KALRN: variants seen among roughly 807,000 people sequenced by gnomAD.
KALRN encodes the protein kalirin RhoGEF kinase.
A neutral mutation model predicts 353.7 loss-of-function variants in KALRN; 70 were observed. The observed-to-expected ratio is 0.20, with a 90% CI of 0.16 to 0.24. The LOEUF (loss-of-function observed/expected upper bound fraction) is 0.24, where lower values mean the gene tolerates loss of function less well. Among genes scored for constraint, KALRN ranks in the 10% least tolerant of loss-of-function variants. KALRN has a pLI of 1.00. For synonymous variants in KALRN, 1,391 were observed against 1,434.8 expected (o/e 0.97, Z 0.69); for missense variants, 2,791 against 3,756.7 (o/e 0.74, Z 6.72).
chr3:124,376,018 C>G (rs139855459), intron 10 of KALRN, among the ~76,000 whole-genome samples: 333 of 152,096 alleles, frequency 2.2e-3, no homozygotes, highest in African/African-American at 7.8e-3. Flanking sequence ...TAAAAATATG[C>G]CTTTTATAGG....
intron 1 of KALRN, among the ~76,000 whole-genome samples, chr3:124,145,699 G>A (rs1687952439): frequency 6.6e-6 from 1 of 152,232 alleles, no homozygotes; most frequent in Non-Finnish European, 1.5e-5. Flanking sequence ...GTAAATTAAT[G>A]TAACCACTCC....
At chr3:124,449,898 T>G (rs2058613039) in intron 21 of KALRN, among the ~76,000 whole-genome samples, 1 of 152,252 alleles carries the variant, frequency 6.6e-6, no homozygotes, top group Non-Finnish European at 1.5e-5. Context: ...TATTGCTAAA[T>G]AGCATGCCAT....
chr3:124,059,151 C>G (rs1164822910), intron 1 of KALRN, among the ~76,000 whole-genome samples: 2 of 152,030 alleles, frequency 1.3e-5, no homozygotes, highest in Non-Finnish European at 2.9e-5. Context: ...GGCACCCTTA[C>G]GTGAAACAGA....
chr3:124,385,044 G>A lies in KALRN; in HGVS notation c.1962+8G>A, dbSNP rs763845753. ...CACACACACACCAAAGAGGTAAGGG[G>A]AGCTAGTGGAGAGAGGGCATTCTGT... is the stretch of plus-strand genomic sequence containing the variant. On this transcript the variant is annotated splice_region_variant and intron_variant, in intron 11 of 59. Transcript: ENST00000682506. The A allele has an allele frequency of 6.3e-7, 1 of 1,576,204 alleles. No homozygotes were observed. Among genetic ancestry groups the A allele is most frequent in the Non-Finnish European group, 8.6e-7 (1 of 1,156,524 alleles).
chr3:124,146,990 T>C (rs1265100660), intron 1 of KALRN, among the ~76,000 whole-genome samples: 1 of 152,086 alleles, frequency 6.6e-6, no homozygotes, highest in Non-Finnish European at 1.5e-5. Context: ...TATTGAGTTA[T>C]TTGTGGATGC....
intron 14 of KALRN, among the ~76,000 whole-genome samples, chr3:124,415,270 T>C (rs1042752318): frequency 1.3e-5 from 2 of 152,216 alleles, no homozygotes; most frequent in Admixed American, 1.3e-4. Context: ...TACCTCTAAA[T>C]GGAACTTGGG....
At chr3:124,143,258 T>G (rs533901884) in intron 1 of KALRN, among the ~76,000 whole-genome samples, 1 of 152,340 alleles carries the variant, frequency 6.6e-6, no homozygotes, top group African/African-American at 2.4e-5. Context: ...AGGCACATAT[T>G]TCTTCATATC....
chr3:124,418,449 T>C (rs906339004), intron 14 of KALRN, among the ~76,000 whole-genome samples: 3 of 152,142 alleles, frequency 2.0e-5, no homozygotes, highest in African/African-American at 2.4e-5. Flanking sequence ...ACTTTGTGAT[T>C]TCTGAACTGA....
chr3:124,180,330 A>G (rs1366193489), intron 1 of KALRN, among the ~76,000 whole-genome samples: 1 of 151,644 alleles, frequency 6.6e-6, no homozygotes. Context: ...AGAGCTTTCC[A>G]TTAGGAAATA....
intron 57 of KALRN, among the ~76,000 whole-genome samples, chr3:124,704,110 A>G (rs1171850924): frequency 6.6e-6 from 1 of 152,240 alleles, no homozygotes; most frequent in African/African-American, 2.4e-5. Context: ...TTTTACTAGC[A>G]TATATTGTTT....
At chr3:124,349,015 A>G (rs911398954) in intron 10 of KALRN, among the ~76,000 whole-genome samples, 1 of 152,206 alleles carries the variant, frequency 6.6e-6, no homozygotes, top group Non-Finnish European at 1.5e-5. Context: ...CACCGTGCCC[A>G]GCTGTCAAAC....
intron 51 of KALRN, among the ~76,000 whole-genome samples, chr3:124,681,575 G>A (rs2087772622): frequency 6.6e-6 from 1 of 151,132 alleles, no homozygotes; most frequent in Non-Finnish European, 1.5e-5. Context: ...CCCAGTATGT[G>A]TGGATGTAGC....
At chr3:124,345,694 G>A (rs186626241) in intron 9 of KALRN, among the ~76,000 whole-genome samples, 7 of 151,886 alleles carry the variant, frequency 4.6e-5, no homozygotes, top group East Asian at 1.9e-4. Flanking sequence ...CAATTACTCC[G>A]CCTGTCTTCA....
intron 5 of KALRN, among the ~76,000 whole-genome samples, chr3:124,281,567 A>T (rs900243823): frequency 5.3e-5 from 8 of 152,112 alleles, no homozygotes; most frequent in Non-Finnish European, 1.5e-5. Flanking sequence ...GCTCCACTAT[A>T]TGTGCCTATT....
At chr3:124,356,278 T>C (rs1313222993) in intron 10 of KALRN, among the ~76,000 whole-genome samples, 1 of 152,016 alleles carries the variant, frequency 6.6e-6, no homozygotes, top group Admixed American at 6.6e-5. Context: ...TATTATTTAT[T>C]GCTAAATCCA....
At chr3:124,326,769 C>T (rs747134556) in intron 7 of KALRN, among the ~76,000 whole-genome samples, 2 of 152,200 alleles carry the variant, frequency 1.3e-5, no homozygotes, top group Non-Finnish European at 2.9e-5. Context: ...TGAACCAGCT[C>T]ATGGAGAGAC....
At chr3:124,718,563 A>G (rs2063276646) in intron 59 of KALRN, among the ~76,000 whole-genome samples, 1 of 152,240 alleles carries the variant, frequency 6.6e-6, no homozygotes, top group African/African-American at 2.4e-5. Context: ...ATCTAACTTC[A>G]TAGAAGTAAG....
intron 1 of KALRN, among the ~76,000 whole-genome samples, chr3:124,143,134 G>A (rs1159286470): frequency 6.6e-6 from 1 of 152,080 alleles, no homozygotes; most frequent in African/African-American, 2.4e-5. Flanking sequence ...AGGTGCTTCT[G>A]GGAAGGGGAA....
At chr3:124,389,948 A>G (rs1180000753) in intron 11 of KALRN, among the ~76,000 whole-genome samples, 1 of 152,222 alleles carries the variant, frequency 6.6e-6, no homozygotes, top group Non-Finnish European at 1.5e-5. Context: ...CTTATAGAGA[A>G]AAGCTACTTA....
Sources: allele counts gnomAD v4.1 joint callset (sites outside exome capture counted in the v4.1 genomes callset), GRCh38; gene constraint gnomAD v4.1.1; transcripts MANE v1.5; gene names NCBI Gene and HGNC (gene_info 2026-07-23, HGNC 2026-07-21).